Variants in PDE1A observed in about 807,000 individuals in gnomAD.
The protein encoded by PDE1A is phosphodiesterase 1A, also known as dual specificity calcium/calmodulin-dependent 3',5'-cyclic nucleotide phosphodiesterase 1A.
A neutral mutation model predicts 61.7 loss-of-function variants in PDE1A; 35 were observed. That is an observed-to-expected ratio of 0.57 (90% CI 0.43 to 0.75). The LOEUF (loss-of-function observed/expected upper bound fraction) is 0.75, where lower values mean the gene tolerates loss of function less well. PDE1A is among the 30% of genes least tolerant of loss of function. The probability of loss-of-function intolerance (pLI) is 0.00; values close to 1 mark genes in which losing one functional copy is unlikely to be tolerated. For synonymous variants in PDE1A, 232 were observed against 213.2 expected, an observed-to-expected ratio of 1.09 and a Z score of -0.77; for missense variants, 597 against 630.6, an observed-to-expected ratio of 0.95 and a Z score of 0.57.
At chr2:182,694,642 G>A in the PDE1A span, among the ~76,000 whole-genome samples, 2 of 152,116 alleles carry the variant, frequency 1.3e-5, no homozygotes, top group Admixed American at 1.3e-4. Context: ...AATGTTTACA[G>A]AAAAAGGCAC....
At chr2:182,226,859 G>A (rs1159028096) in intron 6 of PDE1A, among the ~76,000 whole-genome samples, 1 of 151,754 alleles carries the variant, frequency 6.6e-6, no homozygotes, top group Non-Finnish European at 1.5e-5. Context: ...TTATAAGGAG[G>A]TATTGACTGC....
At chr2:182,562,893 G>A in the PDE1A span, among the ~76,000 whole-genome samples, 1 of 152,200 alleles carries the variant, frequency 6.6e-6, no homozygotes, top group African/African-American at 2.4e-5. Context: ...TGTGGGATCA[G>A]TGGTGATATC....
chr2:182,459,932 T>C (rs1199869062), intron 2 of PDE1A, among the ~76,000 whole-genome samples: 1 of 152,206 alleles, frequency 6.6e-6, no homozygotes, highest in Non-Finnish European at 1.5e-5. Context: ...GCTTTTATCA[T>C]ATTATTCCAC....
At chr2:182,172,081 C>G (rs763039601) in intron 13 of PDE1A, among the ~76,000 whole-genome samples, 2 of 151,900 alleles carry the variant, frequency 1.3e-5, no homozygotes, top group Non-Finnish European at 2.9e-5. Flanking sequence ...GGGGAACAAC[C>G]CTTACATTTA....
At chr2:182,667,478 G>A in the PDE1A span, among the ~76,000 whole-genome samples, 2 of 152,326 alleles carry the variant, frequency 1.3e-5, no homozygotes, top group Admixed American at 6.5e-5. Flanking sequence ...TCTTCAGAGT[G>A]TGGGTGTTCC....
the PDE1A span, among the ~76,000 whole-genome samples, chr2:182,609,850 G>A: frequency 3.3e-5 from 5 of 152,110 alleles, no homozygotes; most frequent in Admixed American, 1.3e-4. Flanking sequence ...GCACTTGGGA[G>A]GCCGAGGCAG....
intron 2 of PDE1A, among the ~76,000 whole-genome samples, chr2:182,511,623 G>A (rs577760766): frequency 6.6e-6 from 1 of 152,284 alleles, no homozygotes; most frequent in South Asian, 2.1e-4. Flanking sequence ...CATCTCCCAA[G>A]GCCTGCCATG....
intron 13 of PDE1A, among the ~76,000 whole-genome samples, chr2:182,169,938 A>T (rs964089384): frequency 1.1e-5 from 1 of 92,684 alleles, no homozygotes; most frequent in Admixed American, 1.2e-4. Context: ...ACACACACAC[A>T]CTCTCCCTCT....
At chr2:182,690,665 G>A in the PDE1A span, among the ~76,000 whole-genome samples, 1 of 152,184 alleles carries the variant, frequency 6.6e-6, no homozygotes, top group Non-Finnish European at 1.5e-5. Flanking sequence ...ACATAGTGTT[G>A]GAAGTTCTGG....
At chr2:182,605,043 T>A in the PDE1A span, among the ~76,000 whole-genome samples, 4 of 151,990 alleles carry the variant, frequency 2.6e-5, no homozygotes, top group Admixed American at 2.0e-4. Context: ...AGTGGATTTT[T>A]TTTTTTTTAA....
intron 2 of PDE1A, among the ~76,000 whole-genome samples, chr2:182,509,396 A>C (rs761480066): frequency 2.6e-5 from 4 of 152,188 alleles, no homozygotes; most frequent in Non-Finnish European, 1.5e-5. Context: ...GAGTACGCAA[A>C]ACTAGACAAA....
chr2:182,303,571 C>T (rs950141452), intron 1 of PDE1A, among the ~76,000 whole-genome samples: 1 of 152,182 alleles, frequency 6.6e-6, no homozygotes, highest in Non-Finnish European at 1.5e-5. Context: ...CTGGGATTTT[C>T]AGAAGGGTAA....
chr2:182,242,665 T>A (rs940007098), intron 2 of PDE1A, among the ~76,000 whole-genome samples: 1 of 152,186 alleles, frequency 6.6e-6, no homozygotes, highest in Admixed American at 6.5e-5. Context: ...CCTCATCTAA[T>A]CAGTTGAAAA....
chr2:182,546,049 C>A, the PDE1A span, among the ~76,000 whole-genome samples: 1 of 152,176 alleles, frequency 6.6e-6, no homozygotes, highest in Non-Finnish European at 1.5e-5. Context: ...CCCTCTGTGG[C>A]TGAGGAAAGT....
the PDE1A span, among the ~76,000 whole-genome samples, chr2:182,594,580 C>T: frequency 6.6e-6 from 1 of 152,172 alleles, no homozygotes; most frequent in Non-Finnish European, 1.5e-5. Flanking sequence ...CATAACTTTT[C>T]TTTGTCATAT....
the PDE1A span, among the ~76,000 whole-genome samples, chr2:182,568,330 C>T: frequency 6.6e-6 from 1 of 152,106 alleles, no homozygotes; most frequent in African/African-American, 2.4e-5. Context: ...ACTTTGAACA[C>T]CAAAATTATT....
the PDE1A span, among the ~76,000 whole-genome samples, chr2:182,685,911 T>C: frequency 2.0e-5 from 3 of 152,224 alleles, no homozygotes; most frequent in African/African-American, 7.2e-5. Flanking sequence ...ATATGCATTT[T>C]AATAAGACAC....
chr2:182,280,824 T>G (rs1407949532), intron 1 of PDE1A, among the ~76,000 whole-genome samples: 3 of 151,938 alleles, frequency 2.0e-5, no homozygotes, highest in Non-Finnish European at 2.9e-5. Context: ...AAAGTAAGAT[T>G]TTATTTTTTT....
intron 13 of PDE1A, among the ~76,000 whole-genome samples, chr2:182,155,215 G>A (rs1274190488): frequency 2.0e-5 from 3 of 150,798 alleles, no homozygotes; most frequent in African/African-American, 7.3e-5. Context: ...AGACTCCCAA[G>A]TAGCTGGAAC....
Sources: gnomAD v4.1 joint callset for allele counts (sites outside exome capture counted in the v4.1 genomes callset) on GRCh38, gnomAD v4.1.1 for gene constraint, MANE v1.5 for transcripts, NCBI Gene and HGNC (gene_info 2026-07-23, HGNC 2026-07-21) for gene names.